The following PFKFB4 variants were observed in gnomAD, a reference collection of about 807,000 sequenced individuals.
PFKFB4 encodes 6-phosphofructo-2-kinase/fructose-2,6-bisphosphatase 4.
Under a neutral mutation model 62.8 loss-of-function variants are expected in PFKFB4, and 42 were observed. The ratio of observed to expected loss-of-function variants is 0.67; its 90% confidence interval spans 0.52 to 0.86. PFKFB4 has a LOEUF of 0.86. PFKFB4 is among the 40% of genes least tolerant of loss of function. The probability of loss-of-function intolerance (pLI) is 0.00; values close to 1 mark genes in which losing one functional copy is unlikely to be tolerated. For missense variants in PFKFB4, 475 were observed against 627.2 expected, an observed-to-expected ratio of 0.76 and a Z score of 2.59; for synonymous variants, 204 against 240.7, an observed-to-expected ratio of 0.85 and a Z score of 1.41.
At position 48,556,548 on chromosome 3, in the gene PFKFB4, G is replaced by T; in HGVS notation, c.97+133C>A. The T allele has an allele frequency of 1.8e-6, 2 of 1,105,158 alleles. No homozygotes were observed. The highest frequency in any genetic ancestry group is 3.2e-5 in the African/African-American group (2 of 63,388). The allele number at this position is 1,105,158 out of a possible 1,614,324, so 68.5% of individuals were successfully genotyped here. A position where few individuals can be genotyped will look rare whatever the true frequency, so the allele number is the denominator to read the frequency against. On this transcript the variant is annotated intron_variant, in intron 1 of 13. Transcript: ENST00000232375. This position sits in a 1 kb window ranked among gnomAD's most constrained non-coding sequence, Gnocchi z 5.7. ...TCACCTGTCCCCAGCAGCCTCCCCA[G>T]TCACGGCAACCTCACCTGTCCCCGG... is the stretch of plus-strand genomic sequence containing the variant.
At chr3:48,560,284 C>A (rs557503545), upstream of PFKFB4, among the ~76,000 whole-genome samples, 3 of 152,214 alleles carry the variant, frequency 2.0e-5, no homozygotes, top group Non-Finnish European at 4.4e-5. Context: ...TGCTGCCTCC[C>A]TTCCCACATA....
chr3:48,561,019 C>T (rs1385446243), upstream of PFKFB4: 4 of 1,222,940 alleles, frequency 3.3e-6, no homozygotes, highest in South Asian at 2.6e-5. This position sits in a 1 kb window ranked among gnomAD's most constrained non-coding sequence, Gnocchi z 5.2. Context: ...CTTTCCCTAA[C>T]CCTCCACCCT....
chr3:48,549,915 T>C lies in PFKFB4; in HGVS notation c.260A>G (p.Lys87Arg). ...GTCGGGGAGAAAAAATTCAAAAGAT[T>C]TGTAGGTCTTGACCACGTCCCGGCG... ...QYRRDVVKTY[K>R]SFEFFLPDNE... The change falls in exon 3 of 14, where the codon AAA becomes AGA. Residue 87 changes from lysine to arginine, a missense_variant. Coordinates refer to ENST00000232375, the MANE Select transcript of PFKFB4 (RefSeq NM_004567.4). 6.2e-7 allele frequency: 1 copy of C among 1,613,860 alleles called. No individual in the cohort carries two copies. The highest frequency in any genetic ancestry group is 1.3e-5 in the African/African-American group (1 of 74,986).
upstream of PFKFB4, chr3:48,563,035 G>A: frequency 2.5e-6 from 4 of 1,611,904 alleles, no homozygotes; most frequent in Non-Finnish European, 3.4e-6. This position sits in a 1 kb window ranked among gnomAD's most constrained non-coding sequence, Gnocchi z 4.5. Context: ...TCTGAGGGCG[G>A]AGCTGGAAGG....
chr3:48,539,807 C>G (rs1448287694), intron 4 of PFKFB4, 36 bp from the exon 5 acceptor site: 4 of 1,579,560 alleles, frequency 2.5e-6, no homozygotes, highest in African/African-American at 2.7e-5. Context: ...GCCTCTGGCC[C>G]TGGGGAAGGA....
At chr3:48,527,258 CT>C (rs71074257) in intron 9 of PFKFB4, among the ~76,000 whole-genome samples, 1,618 of 137,476 alleles carry the variant, frequency 0.012, 17 homozygotes, top group African/African-American at 0.028. Flanking sequence ...TAAACTAATA[CT>C]TTTTTTTTTT....
chr3:48,538,943 G>C (rs905432299), intron 6 of PFKFB4, among the ~76,000 whole-genome samples: 1 of 152,142 alleles, frequency 6.6e-6, no homozygotes, highest in Non-Finnish European at 1.5e-5. Flanking sequence ...ACTGGGGGAG[G>C]GGAAGGAAAG....
intron 1 of PFKFB4, among the ~76,000 whole-genome samples, chr3:48,555,050 CA>C (rs11328976): frequency 0.82 from 48,743 of 59,488 alleles, 19,597 homozygotes; most frequent in Admixed American, 0.87. Flanking sequence ...AACTCCGTCT[CA>C]AAAAAAAAAA....
chr3:48,538,397 T>C, intron 7 of PFKFB4, 101 bp downstream of exon 7: 2 of 1,435,888 alleles, frequency 1.4e-6, no homozygotes, highest in Non-Finnish European at 1.9e-6. Flanking sequence ...CTCTGCTTTT[T>C]GGTCCTCCAG....
chr3:48,544,351 G>GGT (rs374913639), intron 3 of PFKFB4, among the ~76,000 whole-genome samples: 30 of 151,922 alleles, frequency 2.0e-4, no homozygotes, highest in Middle Eastern at 6.8e-3. Flanking sequence ...TCTGAGGGAG[G>GGT]GTTCTGCATC....
At chr3:48,528,190 T>C (rs1450883055) in intron 9 of PFKFB4, among the ~76,000 whole-genome samples, 1 of 151,732 alleles carries the variant, frequency 6.6e-6, no homozygotes. Flanking sequence ...CAACCAAGAC[T>C]GATGGTAACA....
upstream of PFKFB4, among the ~76,000 whole-genome samples, chr3:48,558,605 T>C (rs543717386): frequency 2.6e-4 from 40 of 152,340 alleles, no homozygotes; most frequent in South Asian, 6.2e-4. Context: ...TCATAGGAAC[T>C]GAAGATTCCA....
chr3:48,534,334 C>A (rs987850102), intron 9 of PFKFB4, among the ~76,000 whole-genome samples: 1 of 152,220 alleles, frequency 6.6e-6, no homozygotes, highest in East Asian at 1.9e-4. Flanking sequence ...TGATGGCCAA[C>A]AATTCTTCAC....
In PFKFB4 at chr3:48,543,614, C is replaced by T. The variant is rs375537794; in HGVS notation, c.344G>A (p.Arg115Gln). 1.2e-4 allele frequency: 192 copies of T among 1,612,136 alleles called. No individual in the cohort carries two copies. The highest frequency in any genetic ancestry group is 1.6e-4 in the Middle Eastern group (1 of 6,080). Residue 115 changes from arginine (R) to glutamine (Q), a missense_variant, in exon 4 of 14, where the codon CGG becomes CAG. Physicochemically the swap from Arg to Gln is conservative, Grantham distance 43. Coordinates refer to ENST00000232375, the MANE Select transcript of PFKFB4 (RefSeq NM_004567.4). ...QCALAALRDV[R>Q]RFLSEEGGHV... ...TCCCCCCTCCTCACTAAGGAACCGC[C>T]GGACGTCACGGAGGGCTGCCAGGGC...
intron 10 of PFKFB4, among the ~76,000 whole-genome samples, chr3:48,524,655 A>G (rs998148248): frequency 3.3e-5 from 5 of 152,278 alleles, no homozygotes; most frequent in Middle Eastern, 6.8e-3. Context: ...GCCTAACATA[A>G]TGTGGGGAAT....
Position 48,549,992 on chromosome 3 carries a change from C to T in PFKFB4, c.215-32G>A, listed in dbSNP as rs552441868. 9.1e-6 allele frequency: 14 copies of T among 1,533,664 alleles called. No homozygotes were observed. The South Asian group carries it at 1.6e-4, about 17-fold the overall frequency. On this transcript the variant is annotated intron_variant, in intron 2 of 13. Coordinates refer to ENST00000232375, the MANE Select transcript of PFKFB4 (RefSeq NM_004567.4). ...GGAAGGAGAGGCTCAGCTTTCACAG[C>T]AACAGCAACCCCTACCAACCCTGAC...
At chr3:48,540,362 AG>A (rs1404594143) in intron 4 of PFKFB4, among the ~76,000 whole-genome samples, 5 of 152,210 alleles carry the variant, frequency 3.3e-5, no homozygotes. Context: ...AGAGCACTCC[AG>A]AGGGTGCAGT....
In PFKFB4 at chr3:48,550,182, C is replaced by T; in HGVS notation, c.150G>A (p.Arg50=). Residue 50 remains arginine (R), a synonymous_variant, in exon 2 of 14, where the codon AGG becomes AGA. Transcript: ENST00000232375. Reference sequence around the variant, plus strand: ...GCTTCTTGGAGATGTAGGTCTTGCCCCTGGCGGGCAGGCCCACCATGACAA... The same window carrying T: ...GCTTCTTGGAGATGTAGGTCTTGCCTCTGGCGGGCAGGCCCACCATGACAA... ...TLIVMVGLPA[R]GKTYISKKLT... is the part of the protein sequence containing the mutation. 6.2e-7 allele frequency: 1 copy of T among 1,614,176 alleles called. No individual in the cohort carries two copies. The highest frequency in any genetic ancestry group is 8.5e-7 in the Non-Finnish European group (1 of 1,180,020).
At chr3:48,550,589 G>T (rs1260972539) in intron 1 of PFKFB4, among the ~76,000 whole-genome samples, 1 of 152,136 alleles carries the variant, frequency 6.6e-6, no homozygotes, top group Non-Finnish European at 1.5e-5. Flanking sequence ...ACCCAGCAGG[G>T]TAATCAACAC....
Sources: allele counts gnomAD v4.1 joint callset (sites outside exome capture counted in the v4.1 genomes callset), GRCh38; gene constraint gnomAD v4.1.1; non-coding constraint Gnocchi (gnomAD v3.1); transcripts MANE v1.5; gene names NCBI Gene and HGNC (gene_info 2026-07-23, HGNC 2026-07-21).